Variants in RNF214 observed in about 807,000 individuals in gnomAD.
RNF214 encodes the protein ring finger protein 214.
Under a neutral mutation model 75.9 loss-of-function variants are expected in RNF214, and 25 were observed. The observed-to-expected ratio is 0.33, with a 90% CI of 0.24 to 0.46. The LOEUF is 0.46. RNF214 is among the 20% of genes least tolerant of loss of function. The pLI is 1.00. For synonymous variants in RNF214, 314 were observed against 308.8 expected, an observed-to-expected ratio of 1.02 and a Z score of -0.18; for missense variants, 725 against 857.5, an observed-to-expected ratio of 0.85 and a Z score of 1.93.
intron 2 of RNF214, among the ~76,000 whole-genome samples, chr11:117,238,014 C>T (rs2032959424): frequency 6.6e-6 from 1 of 152,156 alleles, no homozygotes; most frequent in African/African-American, 2.4e-5. Flanking sequence ...ATTAAATATT[C>T]TAACTAGTAT....
chr11:117,283,652 C>T (rs549140204), intron 14 of RNF214, among the ~76,000 whole-genome samples: 6 of 151,872 alleles, frequency 4.0e-5, no homozygotes, highest in African/African-American at 1.4e-4. Context: ...AGCCACCGTG[C>T]CCAGCCTTTT....
chr11:117,252,663 T>G (rs376142886), intron 6 of RNF214, among the ~76,000 whole-genome samples: 11 of 151,008 alleles, frequency 7.3e-5, no homozygotes, highest in South Asian at 4.2e-4. Context: ...TGGGACTACA[T>G]GTGCCTGCCA....
chr11:117,239,729 C>G (rs1288057422), intron 3 of RNF214, 72 bp from the exon 4 acceptor site: 2 of 817,540 alleles, frequency 2.4e-6, no homozygotes, highest in Non-Finnish European at 4.3e-6. Context: ...TGGCGGAATT[C>G]TAGGTGTTAG....
intron 6 of RNF214, among the ~76,000 whole-genome samples, chr11:117,257,984 T>TGACC (rs1257566864): frequency 6.6e-6 from 1 of 152,210 alleles, no homozygotes; most frequent in African/African-American, 2.4e-5. Context: ...ACATTAACAC[T>TGACC]GACCACCTGG....
chr11:117,248,567 T>A (rs2033290217), intron 6 of RNF214, among the ~76,000 whole-genome samples: 1 of 152,212 alleles, frequency 6.6e-6, no homozygotes, highest in African/African-American at 2.4e-5. Flanking sequence ...ATAATAATTG[T>A]GAAGCTCAAC....
At position 117,249,421 on chromosome 11, in the gene RNF214, A is replaced by C. The variant is rs553729175; in HGVS notation, c.959+2473A>C. Among the ~76,000 whole-genome samples the C allele has an allele frequency of 3.9e-5, 6 of 152,106 alleles. No individual in the cohort carries two copies. In the East Asian group the frequency reaches 9.6e-4, roughly 24 times the overall value. ...AATGTATATGTCACGGTGTGAGAAT[A>C]ATGTTTTCTGCCATTCTTTCTGTTA... On this transcript the variant is annotated intron_variant, in intron 6 of 14. Coordinates refer to ENST00000300650, the MANE Select transcript of RNF214 (RefSeq NM_207343.4).
intron 6 of RNF214, among the ~76,000 whole-genome samples, chr11:117,266,415 A>G (rs2033797725): frequency 6.6e-6 from 1 of 152,096 alleles, no homozygotes. Context: ...GCTGGAGTGC[A>G]GTGGTGCAAT....
At chr11:117,235,227 ACT>A (rs1207067023) in intron 2 of RNF214, among the ~76,000 whole-genome samples, 1 of 151,700 alleles carries the variant, frequency 6.6e-6, no homozygotes, top group Admixed American at 6.6e-5. Context: ...ATGGAGTCTC[ACT>A]CTGTTGGCCC....
At chr11:117,254,380 C>G (rs2033471563) in intron 6 of RNF214, among the ~76,000 whole-genome samples, 1 of 152,132 alleles carries the variant, frequency 6.6e-6, no homozygotes, top group African/African-American at 2.4e-5. Flanking sequence ...GTCTTATTCC[C>G]AATAAATTTA....
At chr11:117,283,026 A>G in intron 13 of RNF214, 89 bp from the exon 14 acceptor site, 6 of 1,079,232 alleles carry the variant, frequency 5.6e-6, no homozygotes, top group Non-Finnish European at 8.3e-6. Flanking sequence ...TTTTGATATA[A>G]ATCTTTTTGC....
chr11:117,251,565 C>G (rs1005748125), intron 6 of RNF214, among the ~76,000 whole-genome samples: 1 of 151,098 alleles, frequency 6.6e-6, no homozygotes, highest in African/African-American at 2.4e-5. Flanking sequence ...GGCGGCTGGC[C>G]GGGTCATTTT....
intron 14 of RNF214, among the ~76,000 whole-genome samples, 190 bp from the exon 15 acceptor site, chr11:117,284,896 C>T (rs2034214882): frequency 3.3e-5 from 5 of 152,128 alleles, no homozygotes; most frequent in African/African-American, 7.2e-5. Flanking sequence ...CACCACTGCA[C>T]GCCAGCCTGG....
At chr11:117,279,819 G>A (rs189727354) in intron 6 of RNF214, 89 bp from the exon 7 acceptor site, 141 of 865,446 alleles carry the variant, frequency 1.6e-4, no homozygotes, top group Non-Finnish European at 2.5e-4. Context: ...ATACTTGGCT[G>A]ACCAATTTTG....
chr11:117,233,711 A>G (rs1278861177), intron 1 of RNF214, among the ~76,000 whole-genome samples: 2 of 152,208 alleles, frequency 1.3e-5, no homozygotes, highest in African/African-American at 4.8e-5. Context: ...GTTAGTGGGT[A>G]TCAGGCCTTT....
chr11:117,234,410 C>T (rs1344829415), intron 2 of RNF214, 31 bp downstream of exon 2: 2 of 1,498,582 alleles, frequency 1.3e-6, no homozygotes, highest in Middle Eastern at 1.7e-4. Context: ...TGGGAAGATT[C>T]ATTTGGGTAA....
At chr11:117,275,542 A>G (rs1232009009) in intron 6 of RNF214, among the ~76,000 whole-genome samples, 1 of 152,212 alleles carries the variant, frequency 6.6e-6, no homozygotes, top group East Asian at 1.9e-4. Context: ...CTTAGTCAAA[A>G]ATGAAAATAG....
At chr11:117,270,487 A>G (rs2033887481) in intron 6 of RNF214, among the ~76,000 whole-genome samples, 1 of 151,898 alleles carries the variant, frequency 6.6e-6, no homozygotes, top group South Asian at 2.1e-4. Context: ...GCTGGAGTGC[A>G]GTGGCACGAT....
rs1482387512 is a variant in RNF214 at position 117,244,490 on chromosome 11, G to C, written c.724G>C (p.Glu242Gln). 6.2e-7 allele frequency: 1 copy of C among 1,613,246 alleles called. No individual in the cohort carries two copies. Among genetic ancestry groups the C allele is most frequent in the African/African-American group, 1.3e-5 (1 of 74,988 alleles). Residue 242 changes from glutamate to glutamine, a missense_variant, in exon 5 of 15, where the codon GAG becomes CAG. Physicochemically the swap from Glu to Gln is conservative, Grantham distance 29. This residue lies in a region of RNF214 where 362 missense variants were observed against 344.5 expected (regional missense o/e 1.05). Transcript: ENST00000300650. ...ERTLLKERYQ[E>Q]VLDKQRQVEN... The stretch of plus-strand genomic sequence containing the variant: ...AACCCTGTTGAAAGAGCGTTACCAG[G>C]AGGTCCTGGACAAACAGAGGCAAGT...
chr11:117,282,452 C>T lies in RNF214; in HGVS notation c.1761C>T (p.Thr587=). Residue 587 remains threonine (T), a synonymous_variant, in exon 12 of 15, where the codon ACC becomes ACT. Transcript: ENST00000300650. ...AGCAGATCAAGACAGCACGTACCAC[C>T]ATGGCAGGCCTGACCATGGAGGAAC... The part of the protein sequence containing the change: ...ILQQIKTART[T]MAGLTMEELI... The T allele has an allele frequency of 1.2e-6, 2 of 1,614,194 alleles. No homozygotes were observed. The highest frequency in any genetic ancestry group is 2.2e-5 in the East Asian group (1 of 44,880).
Sources: gnomAD v4.1 joint callset for allele counts (sites outside exome capture counted in the v4.1 genomes callset) on GRCh38, gnomAD v4.1.1 for gene constraint, gnomAD v4.1.1 regional missense constraint, MANE v1.5 for transcripts, NCBI Gene and HGNC (gene_info 2026-07-23, HGNC 2026-07-21) for gene names.